The following SUPT3H variants were observed in gnomAD, a reference collection of about 807,000 sequenced individuals.
SUPT3H encodes the protein transcription initiation protein SPT3 homolog.
SUPT3H carries 44 observed loss-of-function variants against 44.3 expected under a neutral mutation model. The ratio of observed to expected loss-of-function variants is 0.99; its 90% confidence interval spans 0.78 to 1.28. The LOEUF (loss-of-function observed/expected upper bound fraction) is 1.28. Among genes scored for constraint, SUPT3H ranks in the 50% most tolerant of loss-of-function variants. SUPT3H has a pLI of 0.00. For synonymous variants in SUPT3H, 124 were observed against 125.6 expected, an observed-to-expected ratio of 0.99 and a Z score of 0.09; for missense variants, 380 against 387.1, an observed-to-expected ratio of 0.98 and a Z score of 0.15.
intron 10 of SUPT3H, among the ~76,000 whole-genome samples, chr6:44,860,433 C>T (rs551878427): frequency 2.6e-5 from 4 of 152,230 alleles, no homozygotes; most frequent in African/African-American, 9.6e-5. Context: ...TGTAGGAGCT[C>T]GAATGGGCCT....
At position 45,292,198 on chromosome 6, in the gene SUPT3H, T is replaced by C. The variant is rs140347894; in HGVS notation, c.101+73003A>G. On this transcript the variant is annotated intron_variant, in intron 2 of 10. Coordinates refer to ENST00000371459, the MANE Select transcript of SUPT3H (RefSeq NM_003599.4). The stretch of plus-strand genomic sequence containing the variant: ...GTATCCAGTGAAACTAAGCTTCATA[T>C]ATGAAAGAAAGATACAGTCTTTTTC... Among the ~76,000 whole-genome samples, 850 of 152,188 alleles carry C rather than the reference T, an allele frequency of 5.6e-3. 6 individuals carry two copies. The highest frequency in any genetic ancestry group is 0.037 in the South Asian group (179 of 4,808).
At chr6:45,256,028 G>A (rs998638847) in intron 2 of SUPT3H, among the ~76,000 whole-genome samples, 5 of 152,130 alleles carry the variant, frequency 3.3e-5, no homozygotes, top group East Asian at 1.9e-4. Context: ...AAAATTAACC[G>A]GGCGTGGTTG....
chr6:44,897,603 G>A (rs916830213), intron 10 of SUPT3H, among the ~76,000 whole-genome samples: 1 of 152,054 alleles, frequency 6.6e-6, no homozygotes, highest in Non-Finnish European at 1.5e-5. Flanking sequence ...CTAAGCAAAG[G>A]CCATGCTTCC....
At chr6:44,908,421 G>A (rs530308945) in intron 10 of SUPT3H, among the ~76,000 whole-genome samples, 42 of 152,136 alleles carry the variant, frequency 2.8e-4, no homozygotes, top group African/African-American at 9.9e-4. Flanking sequence ...AAAGTGTTGG[G>A]ATTACAGGCA....
intron 3 of SUPT3H, among the ~76,000 whole-genome samples, chr6:45,085,137 T>C (rs1043777796): frequency 6.6e-6 from 1 of 152,056 alleles, no homozygotes; most frequent in African/African-American, 2.4e-5. Context: ...TTTAAAAAAT[T>C]AATTAAAAAT....
chr6:45,226,437 A>C (rs1277900563), intron 2 of SUPT3H, among the ~76,000 whole-genome samples: 1 of 152,150 alleles, frequency 6.6e-6, no homozygotes, highest in African/African-American at 2.4e-5. Flanking sequence ...CTGGTAAAAT[A>C]GGCTTATTAA....
At chr6:45,211,328 T>C (rs1764041790) in intron 2 of SUPT3H, among the ~76,000 whole-genome samples, 1 of 152,144 alleles carries the variant, frequency 6.6e-6, no homozygotes, top group Admixed American at 6.5e-5. Flanking sequence ...CCTTTCATGG[T>C]CCTCATACTT....
At chr6:45,178,377 T>C (rs1562621576) in intron 2 of SUPT3H, among the ~76,000 whole-genome samples, 1 of 152,148 alleles carries the variant, frequency 6.6e-6, no homozygotes, top group African/African-American at 2.4e-5. Context: ...ATCCTAAATA[T>C]ATATGCATCC....
At chr6:45,119,471 G>A (rs563447864) in intron 2 of SUPT3H, among the ~76,000 whole-genome samples, 1 of 152,264 alleles carries the variant, frequency 6.6e-6, no homozygotes, top group South Asian at 2.1e-4. Context: ...CCTTCCCTAT[G>A]TTGTGAAAGT....
chr6:44,891,721 A>C (rs1763349877), intron 10 of SUPT3H, among the ~76,000 whole-genome samples: 1 of 152,050 alleles, frequency 6.6e-6, no homozygotes, highest in African/African-American at 2.4e-5. Context: ...AATTCCACTG[A>C]ATGTACACTT....
chr6:45,309,118 TGTGA>T (rs1260067386), intron 2 of SUPT3H, among the ~76,000 whole-genome samples: 11 of 150,390 alleles, frequency 7.3e-5, no homozygotes, highest in Non-Finnish European at 1.0e-4. Flanking sequence ...ATGATAACAC[TGTGA>T]GTGTTTATGC....
intron 3 of SUPT3H, among the ~76,000 whole-genome samples, chr6:45,057,999 C>A (rs760538226): frequency 2.4e-4 from 36 of 152,050 alleles, no homozygotes; most frequent in Non-Finnish European, 5.0e-4. Context: ...TGAAACAATG[C>A]CAATTAGAGA....
At chr6:45,084,245 C>A (rs944854941) in intron 3 of SUPT3H, among the ~76,000 whole-genome samples, 3 of 152,120 alleles carry the variant, frequency 2.0e-5, no homozygotes, top group South Asian at 4.1e-4. Flanking sequence ...AATACCCATG[C>A]GACAAAGGTC....
intron 2 of SUPT3H, among the ~76,000 whole-genome samples, chr6:45,315,715 T>G (rs1784577380): frequency 6.6e-6 from 1 of 152,056 alleles, no homozygotes; most frequent in Admixed American, 6.5e-5. Context: ...TGGAAAACAG[T>G]GTGGAAACTC....
intron 10 of SUPT3H, among the ~76,000 whole-genome samples, chr6:44,924,089 T>C (rs1279770229): frequency 2.6e-5 from 4 of 152,228 alleles, no homozygotes; most frequent in African/African-American, 4.8e-5. Flanking sequence ...CCAGAAAACC[T>C]TGAAGAATTA....
intron 6 of SUPT3H, among the ~76,000 whole-genome samples, chr6:44,964,364 T>C (rs1489584812): frequency 5.3e-5 from 8 of 152,138 alleles, no homozygotes; most frequent in Non-Finnish European, 1.5e-5. Context: ...AAGATTTGGA[T>C]AACTATGGAA....
At chr6:44,999,175 G>C (rs1484852931) in intron 6 of SUPT3H, among the ~76,000 whole-genome samples, 3 of 152,024 alleles carry the variant, frequency 2.0e-5, no homozygotes, top group Non-Finnish European at 2.9e-5. Context: ...ATGTGTGTGA[G>C]AGAAAGCGAC....
intron 2 of SUPT3H, among the ~76,000 whole-genome samples, chr6:45,290,455 T>TAAA (rs67882992): frequency 1.2e-5 from 1 of 85,966 alleles, no homozygotes; most frequent in Non-Finnish European, 2.2e-5. Context: ...GCATGGATGA[T>TAAA]CAAAAAAAAA....
At chr6:45,055,823 T>G (rs956978165) in intron 3 of SUPT3H, among the ~76,000 whole-genome samples, 4 of 152,132 alleles carry the variant, frequency 2.6e-5, no homozygotes, top group Non-Finnish European at 5.9e-5. Context: ...GGTAAATAGA[T>G]GGGACTTAAT....
Sources: allele counts gnomAD v4.1 joint callset (sites outside exome capture counted in the v4.1 genomes callset), GRCh38; gene constraint gnomAD v4.1.1; transcripts MANE v1.5; gene names NCBI Gene and HGNC (gene_info 2026-07-23, HGNC 2026-07-21).